The following ADH6 variants were observed in gnomAD, a reference collection of about 807,000 sequenced individuals.
ADH6 encodes alcohol dehydrogenase 6 (class V), also known as alcohol dehydrogenase 6.
Under a neutral mutation model 36.5 loss-of-function variants are expected in ADH6, and 34 were observed. The ratio of observed to expected loss-of-function variants is 0.93; its 90% CI spans 0.71 to 1.24. ADH6 has a LOEUF of 1.24. Among genes scored for constraint, ADH6 ranks in the 50% most tolerant of loss-of-function variants. The probability of loss-of-function intolerance (pLI) is 0.00; values close to 1 mark genes in which losing one functional copy is unlikely to be tolerated. For missense variants in ADH6, 440 were observed against 447.0 expected, an observed-to-expected ratio of 0.98 and a Z score of 0.14; for synonymous variants, 161 against 155.5, an observed-to-expected ratio of 1.04 and a Z score of -0.26.
chr4:99,215,516 A>G (rs1422500160), intron 2 of ADH6, among the ~76,000 whole-genome samples: 1 of 152,156 alleles, frequency 6.6e-6, no homozygotes, highest in East Asian at 1.9e-4. Flanking sequence ...GCATTTTTCA[A>G]AGCTTCCAGC....
chr4:99,205,215 C>A, intron 7 of ADH6, 152 bp from the exon 8 acceptor site: 1 of 700,692 alleles, frequency 1.4e-6, no homozygotes, highest in Non-Finnish European at 2.3e-6. Flanking sequence ...ATGCCTACCC[C>A]AACCACACAC....
intron 1 of ADH6, among the ~76,000 whole-genome samples, chr4:99,216,871 G>C (rs1731451357): frequency 6.6e-6 from 1 of 151,978 alleles, no homozygotes; most frequent in Admixed American, 6.6e-5. Context: ...CCTATTTATG[G>C]GGTACATGAA....
At position 99,216,212 on chromosome 4, in the gene ADH6, A is replaced by G. The variant is rs759396072; in HGVS notation, c.69T>C (p.Ser23=). Residue 23 remains serine, a synonymous_variant, in exon 2 of 9, where the codon TCT becomes TCC. Transcript: ENST00000394899. The part of the protein sequence containing the change: ...AILWKPGAPF[S]IEEVEVAPPK... The stretch of plus-strand genomic sequence containing the variant: ...GTGGGGCCACTTCTACCTCTTCAAT[A>G]GAAAATGGTGCACCAGGCTTCCAGA... 1.6e-5 allele frequency: 26 copies of G among 1,583,944 alleles called. 1 individual carries two copies. The South Asian group carries it at 2.9e-4, about 18-fold the overall frequency.
At chr4:99,216,843 C>CA (rs113757105) in intron 1 of ADH6, among the ~76,000 whole-genome samples, 14,304 of 140,134 alleles carry the variant, frequency 0.1, 964 homozygotes, top group Admixed American at 0.25. Context: ...GACTCCATCT[C>CA]AAAAAAAAAA....
At chr4:99,217,099 G>A (rs930756711) in intron 1 of ADH6, among the ~76,000 whole-genome samples, 4 of 151,992 alleles carry the variant, frequency 2.6e-5, no homozygotes, top group Admixed American at 6.5e-5. Flanking sequence ...GCAGTAGCAC[G>A]ATCTCGGCTC....
intron 1 of ADH6, among the ~76,000 whole-genome samples, chr4:99,218,890 A>C (rs17028745): frequency 0.018 from 2,808 of 152,180 alleles, 87 homozygotes; most frequent in African/African-American, 0.064. Context: ...GGAGAAGGGG[A>C]TATATCTTTG....
chr4:99,219,174 T>G lies in ADH6; in HGVS notation c.-22A>C. On this transcript the variant is annotated 5_prime_UTR_variant, in exon 1 of 9. Transcript: ENST00000394899. ...TCATGCTGATTTTCTCCACCGCAGA[T>G]GAATTTATTGAGAAAGGGAGATCCT... The G allele has an allele frequency of 6.2e-7, 1 of 1,608,026 alleles. No homozygotes were observed. Among genetic ancestry groups the G allele is most frequent in the Middle Eastern group, 1.7e-4 (1 of 6,048 alleles).
chr4:99,208,579 T>A, intron 6 of ADH6, 89 bp downstream of exon 6: 1 of 1,418,306 alleles, frequency 7.1e-7, no homozygotes, highest in South Asian at 1.4e-5. Context: ...TAGAGCAAAG[T>A]GGAGGGAATT....
chr4:99,204,695 A>G lies in ADH6; in HGVS notation c.1103+230T>C, dbSNP rs1730956719. On this transcript the variant is annotated intron_variant, in intron 8 of 8. Coordinates refer to ENST00000394899, the MANE Select transcript of ADH6 (RefSeq NM_001102470.2). ...ATATTGGAAATACAATGCTAATGGC[A>G]AAAGTAACGGTAGGTGAACACTTAA... 4.0e-6 allele frequency: 5 copies of G among 1,243,806 alleles called. No homozygotes were observed. The East Asian group carries it at 1.7e-4, about 41-fold the overall frequency. The allele number at this position is 1,243,806 out of a possible 1,614,324, so 77.0% of individuals were successfully genotyped here. A position where few individuals can be genotyped will look rare whatever the true frequency, so the allele number is the denominator to read the frequency against.
Position 99,204,037 on chromosome 4 carries a change from G to C in ADH6, c.*182C>G, listed in dbSNP as rs775553983. The C allele has an allele frequency of 1.5e-6, 1 of 661,372 alleles. No individual in the cohort carries two copies. Among genetic ancestry groups the C allele is most frequent in the African/African-American group, 1.9e-5 (1 of 52,630 alleles). The allele number at this position is 661,372 out of a possible 1,614,324, so 41.0% of individuals were successfully genotyped here. A position where few individuals can be genotyped will look rare whatever the true frequency, so the allele number is the denominator to read the frequency against. ...CTGATCCTTGGTGACACTGGGTTACGTAAGAACAATTTTGATGAAATGGTT... is the reference window on the plus strand; with the variant it reads ...CTGATCCTTGGTGACACTGGGTTACCTAAGAACAATTTTGATGAAATGGTT... On this transcript the variant is annotated 3_prime_UTR_variant, in exon 9 of 9. Transcript: ENST00000394899.
At chr4:99,214,374 A>G (rs1462397828) in intron 2 of ADH6, among the ~76,000 whole-genome samples, 1 of 152,194 alleles carries the variant, frequency 6.6e-6, no homozygotes, top group East Asian at 1.9e-4. Context: ...AGTCTGGGTG[A>G]CAGAGTGAGA....
Position 99,216,233 on chromosome 4 carries a change from C to G in ADH6, c.48G>C (p.Trp16Cys), listed in dbSNP as rs200929780. The change falls in exon 2 of 9, where the codon TGG (tryptophan) becomes TGC (cysteine). Residue 16 changes from tryptophan (W) to cysteine (C), a missense_variant. By Grantham distance (215) the Trp-to-Cys change is radical (BLOSUM62 -2). Coordinates refer to ENST00000394899, the MANE Select transcript of ADH6 (RefSeq NM_001102470.2). The stretch of plus-strand genomic sequence containing the variant: ...CAATAGAAAATGGTGCACCAGGCTT[C>G]CAGAGTATGGCTGCTTTGCATCTGA... ...QVIRCKAAIL[W>C]KPGAPFSIEE... 1.3e-5 allele frequency: 21 copies of G among 1,580,948 alleles called. No homozygotes were observed. The highest frequency in any genetic ancestry group is 1.8e-5 in the Non-Finnish European group (21 of 1,164,584).
At chr4:99,211,624 G>C (rs571723225) in intron 3 of ADH6, among the ~76,000 whole-genome samples, 2 of 152,166 alleles carry the variant, frequency 1.3e-5, no homozygotes, top group Admixed American at 1.3e-4. Context: ...CTCTGTAGAT[G>C]TAACTAAGTT....
rs199855886 is a variant in ADH6, at chr4:99,216,195, A to T, written c.86T>A (p.Val29Glu). The T allele has an allele frequency of 2.0e-6, 3 of 1,528,762 alleles. No homozygotes were observed. The highest frequency in any genetic ancestry group is 1.3e-5 in the South Asian group (1 of 79,882). The allele number at this position is 1,528,762 out of a possible 1,614,324, so 94.7% of individuals were successfully genotyped here. The stretch of plus-strand genomic sequence containing the variant: ...AACTTCCTTTGCCTTTGGTGGGGCC[A>T]CTTCTACCTCTTCAATAGAAAATGG... ...GAPFSIEEVE[V>E]APPKAKEVRI... Residue 29 changes from valine to glutamate, a missense_variant, in exon 2 of 9, where the codon GTG becomes GAG. Coordinates refer to ENST00000394899, the MANE Select transcript of ADH6 (RefSeq NM_001102470.2).
Position 99,216,414 on chromosome 4 carries a change from T to A in ADH6, c.19-152A>T, listed in dbSNP as rs1731432013. ...AAGAATAAATATATGCTGAAGGTAG[T>A]CTTTCTGACCCCAATTTAAGTTTTC... On this transcript the variant is annotated intron_variant, in intron 1 of 8. Transcript: ENST00000394899. The A allele has an allele frequency of 7.0e-6, 3 of 425,930 alleles. No homozygotes were observed. The East Asian group carries it at 1.1e-4, about 16-fold the overall frequency. The allele number at this position is 425,930 out of a possible 1,614,324, so 26.4% of individuals were successfully genotyped here.
intron 1 of ADH6, among the ~76,000 whole-genome samples, chr4:99,218,619 A>G (rs1298049822): frequency 6.6e-6 from 1 of 152,052 alleles, no homozygotes; most frequent in African/African-American, 2.4e-5. Context: ...TCAGCCCCCA[A>G]ACATATTCTG....
chr4:99,217,828 A>C (rs1731504534), intron 1 of ADH6, among the ~76,000 whole-genome samples: 2 of 152,108 alleles, frequency 1.3e-5, no homozygotes, highest in Admixed American at 1.3e-4. Context: ...TGTGGGAGTT[A>C]TTTGTGATCC....
Position 99,210,158 on chromosome 4 carries a change from A to T in ADH6, c.491T>A (p.Val164Asp). 6.2e-7 allele frequency: 1 copy of T among 1,613,856 alleles called. No homozygotes were observed. Among genetic ancestry groups the T allele is most frequent in the Non-Finnish European group, 8.5e-7 (1 of 1,179,832 alleles). Residue 164 changes from valine to aspartate, a missense_variant, in exon 5 of 9, where the codon GTC becomes GAC. By Grantham distance (152) the Val-to-Asp change is radical. Coordinates refer to ENST00000394899, the MANE Select transcript of ADH6 (RefSeq NM_001102470.2). ...KEISVAKIDA[V>D]APLEKVCLIS... is the part of the protein sequence containing the mutation. The stretch of plus-strand genomic sequence containing the variant: ...TAGGCATACTTTCTCTAGAGGAGCG[A>T]CTGCATCAATCTTGGCAACTGAGAT...
At chr4:99,213,961 A>T (rs2110553771) in intron 2 of ADH6, among the ~76,000 whole-genome samples, 1 of 152,340 alleles carries the variant, frequency 6.6e-6, no homozygotes, top group East Asian at 1.9e-4. Flanking sequence ...GATGATTGAA[A>T]ATTTACTGGG....
Sources: allele counts gnomAD v4.1 joint callset (sites outside exome capture counted in the v4.1 genomes callset), GRCh38; gene constraint gnomAD v4.1.1; transcripts MANE v1.5; gene names NCBI Gene and HGNC (gene_info 2026-07-23, HGNC 2026-07-21).